Variants in FNDC8 observed in about 807,000 individuals in gnomAD.
The protein encoded by FNDC8 is fibronectin type III domain containing 8.
A neutral mutation model predicts 24.8 loss-of-function variants in FNDC8; 23 were observed. The ratio of observed to expected loss-of-function variants is 0.93; its 90% CI spans 0.67 to 1.31. FNDC8 has a LOEUF of 1.31. FNDC8 is among the 40% of genes most tolerant of loss of function. FNDC8 has a pLI of 0.00. For missense variants in FNDC8, 371 were observed against 398.2 expected (o/e 0.93, Z 0.58); for synonymous variants, 158 against 165.3 (o/e 0.96, Z 0.34).
In FNDC8 at chr17:35,127,280, A is replaced by G; in HGVS notation, c.448A>G (p.Thr150Ala). 1 of 1,614,108 alleles carries G rather than the reference A, an allele frequency of 6.2e-7. No homozygotes were observed. Among genetic ancestry groups the G allele is most frequent in the East Asian group, 2.2e-5 (1 of 44,894 alleles). ...CPCPSKSQMA[T>A]RGLLDLDNPE... ...ATGCCCATCGAAGTCCCAGATGGCC[A>G]CAAGGGGCCTGCTGGACCTTGACAA... The change falls in exon 2 of 4, where the codon ACA becomes GCA. Residue 150 changes from threonine to alanine, a missense_variant. Transcript: ENST00000158009.
intron 3 of FNDC8, 178 bp from the exon 4 acceptor site, chr17:35,130,101 TGAG>T: frequency 7.0e-7 from 1 of 1,428,034 alleles, no homozygotes. Context: ...TATCCCATAA[TGAG>T]GAGGTACAGG....
At chr17:35,129,756 C>G in intron 3 of FNDC8, 98 bp downstream of exon 3, 1 of 1,492,906 alleles carries the variant, frequency 6.7e-7, no homozygotes. Flanking sequence ...GCCCACATGA[C>G]TCATCTGGCT....
Position 35,129,421 on chromosome 17 carries a change from G to C in FNDC8, c.586-1G>C. On this transcript the variant is annotated splice_acceptor_variant, in intron 2 of 3. Coordinates refer to ENST00000158009, the MANE Select transcript of FNDC8 (RefSeq NM_017559.4). LOFTEE classifies it high-confidence loss of function. ...AGCCTCGGGGCTCTCTCTTCCCCTA[G>C]ATTTCCTGGACCTACGCCTTGGGCA... is the stretch of plus-strand genomic sequence containing the variant. The C allele has an allele frequency of 3.7e-6, 6 of 1,612,896 alleles. No homozygotes were observed. Among genetic ancestry groups the C allele is most frequent in the Non-Finnish European group, 5.1e-6 (6 of 1,179,000 alleles).
At chr17:35,129,793 G>T (rs2091865543) in intron 3 of FNDC8, 135 bp downstream of exon 3, 1 of 1,452,042 alleles carries the variant, frequency 6.9e-7, no homozygotes, top group African/African-American at 1.4e-5. Flanking sequence ...GGGTCAAGAA[G>T]CATCAATTCC....
chr17:35,129,039 CCT>C (rs2091860761), intron 2 of FNDC8: 1 of 203,742 alleles, frequency 4.9e-6, no homozygotes, highest in Non-Finnish European at 1.0e-5. Flanking sequence ...CAGGTGGTAC[CCT>C]GAGCCGTGGG....
chr17:35,122,916 A>G (rs1183474877), intron 1 of FNDC8, among the ~76,000 whole-genome samples: 1 of 152,190 alleles, frequency 6.6e-6, no homozygotes, highest in Non-Finnish European at 1.5e-5. Flanking sequence ...TGGTCTGGTA[A>G]GTGCCAGGAC....
At chr17:35,122,190 ATATATATATATATATAT>A (rs1232321010) in intron 1 of FNDC8, among the ~76,000 whole-genome samples, 1,225 of 24,482 alleles carry the variant, frequency 0.05, 143 homozygotes, top group African/African-American at 0.14. Flanking sequence ...ATATATATAT[ATATATATATATATATAT>A]AAATTTTTTT....
intron 1 of FNDC8, among the ~76,000 whole-genome samples, chr17:35,122,210 A>ATTTTTTT (rs5820100): frequency 4.5e-5 from 2 of 44,800 alleles, no homozygotes; most frequent in Admixed American, 5.3e-4. Flanking sequence ...ATATATATAA[A>ATTTTTTT]TTTTTTTTTT....
chr17:35,121,838 G>A lies in FNDC8; in HGVS notation c.145G>A (p.Gly49Arg). 6.2e-7 allele frequency: 1 copy of A among 1,613,640 alleles called. No homozygotes were observed. The highest frequency in any genetic ancestry group is 1.1e-5 in the South Asian group (1 of 91,042). ...TATGAACCGGACCGTCACTACCAAA[G>A]GACTCCCACTAGCCTCAAAGGGCAA... is the stretch of plus-strand genomic sequence containing the variant. The part of the protein sequence containing the change: ...KSMNRTVTTK[G>R]LPLASKGNLV... The change falls in exon 1 of 4, where the codon GGA (glycine) becomes AGA (arginine). Residue 49 changes from glycine (G) to arginine (R), a missense_variant. Coordinates refer to ENST00000158009, the MANE Select transcript of FNDC8 (RefSeq NM_017559.4).
In FNDC8 at chr17:35,129,599, T is replaced by C; in HGVS notation, c.763T>C (p.Cys255Arg). 6.2e-7 allele frequency: 1 copy of C among 1,614,130 alleles called. No individual in the cohort carries two copies. Among genetic ancestry groups the C allele is most frequent in the Non-Finnish European group, 8.5e-7 (1 of 1,180,014 alleles). ...GGAGCTAAAGCCTAACACGTGTTAC[T>C]GCCTCAGTGTCCGTGCAGCCAACAC... ...LMELKPNTCY[C>R]LSVRAANTAG... The change falls in exon 3 of 4, where the codon TGC becomes CGC. Residue 255 changes from cysteine (C) to arginine (R), a missense_variant. Coordinates refer to ENST00000158009, the MANE Select transcript of FNDC8 (RefSeq NM_017559.4).
intron 1 of FNDC8, among the ~76,000 whole-genome samples, chr17:35,124,454 G>A (rs1597882524): frequency 6.6e-6 from 1 of 152,132 alleles, no homozygotes; most frequent in Non-Finnish European, 1.5e-5. Context: ...TCTCACCCAG[G>A]AGGCGGAGGT....
Position 35,130,652 on chromosome 17 carries a change from C to A in FNDC8, c.*218C>A, listed in dbSNP as rs1033000448. ...CAGGCCATGCCAGGCTCAGCCACTG[C>A]CCACAGCTGCTAGACTCCCTCCTCC... is the stretch of plus-strand genomic sequence containing the variant. On this transcript the variant is annotated 3_prime_UTR_variant, in exon 4 of 4. Coordinates refer to ENST00000158009, the MANE Select transcript of FNDC8 (RefSeq NM_017559.4). The A allele has an allele frequency of 1.3e-5, 7 of 552,404 alleles. No individual in the cohort carries two copies. The highest frequency in any genetic ancestry group is 1.1e-4 in the African/African-American group (6 of 52,976). The allele number at this position is 552,404 out of a possible 1,614,324, so 34.2% of individuals were successfully genotyped here.
intron 1 of FNDC8, among the ~76,000 whole-genome samples, chr17:35,122,210 A>ATATATATT (rs1567738668): frequency 1.8e-4 from 8 of 44,796 alleles, no homozygotes; most frequent in Non-Finnish European, 3.0e-4. Context: ...ATATATATAA[A>ATATATATT]TTTTTTTTTT....
intron 1 of FNDC8, among the ~76,000 whole-genome samples, chr17:35,124,131 CA>C: frequency 6.6e-6 from 1 of 152,272 alleles, no homozygotes; most frequent in South Asian, 2.1e-4. Context: ...GCCCGTTCAT[CA>C]ACCAAGACCT....
At chr17:35,130,050 G>C in intron 3 of FNDC8, 1 of 1,408,296 alleles carries the variant, frequency 7.1e-7, no homozygotes, top group Non-Finnish European at 9.2e-7. Context: ...AGGGGTATGG[G>C]GGTATAGAGG....
intron 1 of FNDC8, among the ~76,000 whole-genome samples, chr17:35,126,460 T>C (rs1253553169): frequency 2.6e-5 from 4 of 151,908 alleles, no homozygotes; most frequent in African/African-American, 9.7e-5. Flanking sequence ...TTTTTTAAAT[T>C]GTGGTTTGCA....
intron 1 of FNDC8, among the ~76,000 whole-genome samples, chr17:35,125,022 T>C (rs1041451061): frequency 3.6e-5 from 5 of 138,678 alleles, no homozygotes; most frequent in African/African-American, 1.1e-4. Flanking sequence ...CACTCCAGCC[T>C]GGGCGACAGA....
intron 1 of FNDC8, among the ~76,000 whole-genome samples, chr17:35,122,157 C>CACATATATAT (rs2091828972): frequency 5.5e-5 from 2 of 36,450 alleles, no homozygotes; most frequent in Admixed American, 6.9e-4. Flanking sequence ...GGCTAATTTT[C>CACATATATAT]ATATATATAT....
Position 35,127,392 on chromosome 17 carries a change from A to G in FNDC8, c.560A>G (p.His187Arg). The change falls in exon 2 of 4, where the codon CAC becomes CGC. Residue 187 changes from histidine (H) to arginine (R), a missense_variant. Coordinates refer to ENST00000158009, the MANE Select transcript of FNDC8 (RefSeq NM_017559.4). ...CCGGACACCCCCTTCATCTTTGAGC[A>G]CACCGTCAACAATTCCACAGCTGTG... ...DLPDTPFIFE[H>R]TVNNSTAVIS... 2.6e-6 allele frequency: 4 copies of G among 1,565,674 alleles called. No homozygotes were observed. Among genetic ancestry groups the G allele is most frequent in the Admixed American group, 1.9e-5 (1 of 52,758 alleles).
Sources: gnomAD v4.1 joint callset for allele counts (sites outside exome capture counted in the v4.1 genomes callset) on GRCh38, gnomAD v4.1.1 for gene constraint, MANE v1.5 for transcripts, NCBI Gene and HGNC (gene_info 2026-07-23, HGNC 2026-07-21) for gene names.